Variants in CLPB observed in about 807,000 individuals in gnomAD.
The protein encoded by CLPB is mitochondrial disaggregase.
In CLPB, 40 loss-of-function variants were observed where a neutral mutation model predicts 78.4. The ratio of observed to expected loss-of-function variants is 0.51; its 90% CI spans 0.40 to 0.66. The LOEUF is 0.66. CLPB is among the 30% of genes least tolerant of loss of function. The pLI, the probability that CLPB is intolerant of heterozygous loss-of-function variation, is 0.00. For synonymous variants in CLPB, 333 were observed against 348.0 expected (o/e 0.96, Z 0.48); for missense variants, 780 against 886.9 (o/e 0.88, Z 1.53).
chr11:72,329,809 C>A lies in CLPB; in HGVS notation c.776-5G>T, dbSNP rs1253919639. On this transcript the variant is annotated splice_region_variant and splice_polypyrimidine_tract_variant and intron_variant, in intron 5 of 15. Coordinates refer to ENST00000538039, the MANE Select transcript of CLPB (RefSeq NM_001258392.3). ...TCCTCTGCAGGGGGTTGGCTCCTGG[C>A]AAGAGAAGAAGGATAAACAGAGGCT... 5.6e-6 allele frequency: 9 copies of A among 1,610,218 alleles called. No homozygotes were observed. The highest frequency in any genetic ancestry group is 7.6e-6 in the Non-Finnish European group (9 of 1,176,888).
intron 2 of CLPB, among the ~76,000 whole-genome samples, chr11:72,415,233 A>T (rs1477227904): frequency 1.3e-5 from 2 of 152,146 alleles, no homozygotes; most frequent in Non-Finnish European, 2.9e-5. Context: ...AGAAAAAGAA[A>T]GATTACAAGG....
At chr11:72,318,654 T>C (rs1335961582) in intron 6 of CLPB, among the ~76,000 whole-genome samples, 2 of 152,172 alleles carry the variant, frequency 1.3e-5, no homozygotes, top group Non-Finnish European at 2.9e-5. Context: ...CCTGTTACAG[T>C]AGTGACCTTG....
At chr11:72,363,957 T>A (rs1394553035) in intron 4 of CLPB, among the ~76,000 whole-genome samples, 1 of 152,228 alleles carries the variant, frequency 6.6e-6, no homozygotes, top group Admixed American at 6.5e-5. Context: ...ATTAAGACCC[T>A]GCTGAGGCAT....
intron 3 of CLPB, among the ~76,000 whole-genome samples, chr11:72,396,517 G>T (rs1224153987): frequency 6.6e-6 from 1 of 152,176 alleles, no homozygotes; most frequent in Non-Finnish European, 1.5e-5. Context: ...TGAGAGTCCA[G>T]AGATAAGGAA....
chr11:72,423,140 G>C (rs960502462), intron 2 of CLPB, among the ~76,000 whole-genome samples: 1 of 152,122 alleles, frequency 6.6e-6, no homozygotes, highest in East Asian at 1.9e-4. Context: ...GACACCAAAA[G>C]AATCTCCTAA....
At position 72,424,059 on chromosome 11, in the gene CLPB, G is replaced by A. The variant is rs117647937; in HGVS notation, c.455+6253C>T. Among the ~76,000 whole-genome samples the A allele has an allele frequency of 6.3e-3, 953 of 152,272 alleles. 4 individuals are homozygous for A. Among genetic ancestry groups the A allele is most frequent in the South Asian group, 0.012 (58 of 4,830 alleles). On this transcript the variant is annotated intron_variant, in intron 2 of 15. Coordinates refer to ENST00000538039, the MANE Select transcript of CLPB (RefSeq NM_001258392.3). ...GCTGTTTATAAACCACTCAATCTGCGGTATTCTGTTATAGCAGCCCAAACA... is the reference window on the plus strand; with the variant it reads ...GCTGTTTATAAACCACTCAATCTGCAGTATTCTGTTATAGCAGCCCAAACA...
chr11:72,298,749 C>T (rs751663735), intron 11 of CLPB, among the ~76,000 whole-genome samples: 8 of 152,190 alleles, frequency 5.3e-5, no homozygotes, highest in Non-Finnish European at 8.8e-5. Context: ...CTGCCCACCT[C>T]GGCCTTCCAA....
At chr11:72,331,678 T>G (rs1950230640) in intron 5 of CLPB, among the ~76,000 whole-genome samples, 1 of 146,798 alleles carries the variant, frequency 6.8e-6, no homozygotes, top group African/African-American at 2.5e-5. Flanking sequence ...GGGATCAAGC[T>G]ATTCTCCACC....
chr11:72,414,334 G>C (rs1053363895), intron 2 of CLPB, among the ~76,000 whole-genome samples: 1 of 152,192 alleles, frequency 6.6e-6, no homozygotes, highest in Non-Finnish European at 1.5e-5. Context: ...GTGTGGGAAA[G>C]GGTCATAGGC....
intron 5 of CLPB, among the ~76,000 whole-genome samples, chr11:72,341,000 T>C (rs1858143681): frequency 6.6e-6 from 1 of 152,134 alleles, no homozygotes; most frequent in South Asian, 2.1e-4. Flanking sequence ...ATTTTTTGTA[T>C]CTTTAGTAGA....
intron 1 of CLPB, among the ~76,000 whole-genome samples, chr11:72,431,052 T>C (rs1856531382): frequency 6.6e-6 from 1 of 152,202 alleles, no homozygotes; most frequent in Non-Finnish European, 1.5e-5. Context: ...TCCCCAGTGC[T>C]GAGCCCAGGG....
intron 5 of CLPB, among the ~76,000 whole-genome samples, chr11:72,342,784 G>T (rs139317039): frequency 3.3e-5 from 5 of 152,184 alleles, no homozygotes; most frequent in Admixed American, 1.3e-4. Context: ...CACTGTTAAC[G>T]TCTGGGGCAC....
chr11:72,311,356 C>A (rs730042), intron 7 of CLPB, among the ~76,000 whole-genome samples: 1,586 of 152,318 alleles, frequency 0.01, 30 homozygotes, highest in East Asian at 0.057. Context: ...GTATTTACAA[C>A]TGACTCACTT....
At chr11:72,345,756 A>G (rs973091443) in intron 5 of CLPB, among the ~76,000 whole-genome samples, 3 of 152,250 alleles carry the variant, frequency 2.0e-5, no homozygotes, top group African/African-American at 7.2e-5. Flanking sequence ...TGTATTTCAA[A>G]TGAAGAGCAT....
At chr11:72,302,222 T>C in intron 10 of CLPB, 82 bp downstream of exon 10, 2 of 1,414,738 alleles carry the variant, frequency 1.4e-6, no homozygotes, top group Non-Finnish European at 2.0e-6. Context: ...TGGAATTATC[T>C]GAGGCCCAAA....
rs182951185 is a variant in CLPB, at chr11:72,289,225, G to A, written c.*4142C>T. 7.9e-5 allele frequency: 12 copies of A among 152,252 alleles called. No individual in the cohort carries two copies. The highest frequency in any genetic ancestry group is 2.9e-4 in the African/African-American group (12 of 41,556). 9.4% of individuals were successfully genotyped at this position (152,252 alleles called of 1,614,324 possible). ...TTAATTAGGTTCCTTAGAATCTAAG[G>A]TTCTACCCCTGTCTCCTTATCCTAT... On this transcript the variant is annotated 3_prime_UTR_variant, in exon 16 of 16. Coordinates refer to ENST00000538039, the MANE Select transcript of CLPB (RefSeq NM_001258392.3).
Position 72,302,343 on chromosome 11 carries a change from G to T in CLPB, c.1128C>A (p.Phe376Leu), listed in dbSNP as rs1448181992. The T allele has an allele frequency of 6.2e-7, 1 of 1,614,046 alleles. No individual in the cohort carries two copies. The highest frequency in any genetic ancestry group is 8.5e-7 in the Non-Finnish European group (1 of 1,180,008). Reference protein sequence around the residue: ...KYMHKDAKKGFIRLDMSEFQE... With the variant: ...KYMHKDAKKGLIRLDMSEFQE... The stretch of plus-strand genomic sequence containing the variant: ...GGAACTCGGACATGTCCAGCCTGAT[G>T]AAGCCCTGTGTGGAAACAAGCAAGT... Residue 376 changes from phenylalanine to leucine, a missense_variant, in exon 10 of 16, where the codon TTC (phenylalanine) becomes TTA (leucine). Phe to Leu is a conservative substitution (Grantham distance 22). Around this residue, in one of 3 missense-constraint regions of CLPB, gnomAD observed 91 missense variants for 168.2 expected, o/e 0.54. Coordinates refer to ENST00000538039, the MANE Select transcript of CLPB (RefSeq NM_001258392.3).
intron 3 of CLPB, among the ~76,000 whole-genome samples, chr11:72,386,890 C>T (rs1251747329): frequency 1.3e-5 from 2 of 152,190 alleles, no homozygotes; most frequent in African/African-American, 4.8e-5. Flanking sequence ...AGTTTATACA[C>T]AATTTGGATT....
At chr11:72,407,050 CTT>C (rs1206251424) in intron 2 of CLPB, among the ~76,000 whole-genome samples, 1 of 152,166 alleles carries the variant, frequency 6.6e-6, no homozygotes. Context: ...TCCACATTTT[CTT>C]TCTCTGCTCT....
Sources: gnomAD v4.1 joint callset for allele counts (sites outside exome capture counted in the v4.1 genomes callset) on GRCh38, gnomAD v4.1.1 for gene constraint, gnomAD v4.1.1 regional missense constraint, MANE v1.5 for transcripts, NCBI Gene and HGNC (gene_info 2026-07-23, HGNC 2026-07-21) for gene names.